The following UBAP1 variants were observed in gnomAD, a reference collection of about 807,000 sequenced individuals.
The protein encoded by UBAP1 is ubiquitin-associated protein 1.
In UBAP1, 5 loss-of-function variants were observed where a neutral mutation model predicts 39.0. The ratio of observed to expected loss-of-function variants is 0.13; its 90% CI spans 0.07 to 0.27. UBAP1 has a LOEUF of 0.27. UBAP1 is among the 10% of genes least tolerant of loss of function. The pLI is 1.00. For missense variants in UBAP1, 490 were observed against 608.1 expected (o/e 0.81, Z 2.04); for synonymous variants, 211 against 225.1 (o/e 0.94, Z 0.56).
intron 1 of UBAP1, among the ~76,000 whole-genome samples, chr9:34,213,866 A>G (rs981174272): frequency 3.3e-5 from 5 of 152,044 alleles, no homozygotes; most frequent in Admixed American, 1.3e-4. Flanking sequence ...AAGCTCTTCT[A>G]TACACCAACA....
chr9:34,215,693 A>G (rs1470362002), intron 1 of UBAP1, among the ~76,000 whole-genome samples: 2 of 152,014 alleles, frequency 1.3e-5, no homozygotes. Context: ...TAAATAATAA[A>G]AAAAGGGTTT....
intron 1 of UBAP1, among the ~76,000 whole-genome samples, chr9:34,206,618 G>A (rs1831711103): frequency 6.6e-6 from 1 of 151,998 alleles, no homozygotes; most frequent in Non-Finnish European, 1.5e-5. Context: ...CATTTTCCGA[G>A]TTTTTCATAA....
chr9:34,240,477 T>C (rs762292621), intron 3 of UBAP1, among the ~76,000 whole-genome samples: 2 of 152,226 alleles, frequency 1.3e-5, no homozygotes, highest in Non-Finnish European at 2.9e-5. Context: ...TCCTGTCCTA[T>C]GTGAATGTTG....
At chr9:34,232,797 A>G (rs1482529238) in intron 2 of UBAP1, among the ~76,000 whole-genome samples, 1 of 152,266 alleles carries the variant, frequency 6.6e-6, no homozygotes, top group Non-Finnish European at 1.5e-5. Context: ...TGTGAGGCTG[A>G]GAGGTAAACC....
chr9:34,222,527 C>T (rs1039412547), intron 2 of UBAP1, among the ~76,000 whole-genome samples: 7 of 152,128 alleles, frequency 4.6e-5, no homozygotes, highest in African/African-American at 1.4e-4. Context: ...CACGGTGGCT[C>T]ATGCCTGTAA....
At chr9:34,180,173 T>C (rs1464206854) in intron 1 of UBAP1, among the ~76,000 whole-genome samples, 1 of 152,188 alleles carries the variant, frequency 6.6e-6, no homozygotes, top group Non-Finnish European at 1.5e-5. Flanking sequence ...AGATACTTAG[T>C]CTTTAGTGAT....
chr9:34,246,840 G>A (rs184124818), intron 4 of UBAP1, among the ~76,000 whole-genome samples: 1 of 151,030 alleles, frequency 6.6e-6, no homozygotes, highest in Non-Finnish European at 1.5e-5. Flanking sequence ...TTTCACAAAC[G>A]TACTTTCCCT....
At position 34,251,515 on chromosome 9, in the gene UBAP1, C is replaced by G; in HGVS notation, c.1492C>G (p.Arg498Gly). The change falls in exon 7 of 7, where the codon CGG (arginine) becomes GGG (glycine). Residue 498 changes from arginine (R) to glycine (G), a missense_variant. Arg to Gly is a moderately radical substitution (Grantham distance 125). This residue lies in a region of UBAP1 where 339 missense variants were observed against 390.0 expected (regional missense o/e 0.87). Coordinates refer to ENST00000297661, the MANE Select transcript of UBAP1 (RefSeq NM_016525.5). ...QDNALEDLMA[R>G]AGAS ...CAATGCTTTGGAAGACCTCATGGCT[C>G]GGGCAGGAGCCAGCTGAGACCAGGC... The G allele has an allele frequency of 6.2e-7, 1 of 1,614,090 alleles. No individual in the cohort carries two copies. Among genetic ancestry groups the G allele is most frequent in the Non-Finnish European group, 8.5e-7 (1 of 1,180,016 alleles).
At chr9:34,195,039 T>C (rs1830944353) in intron 1 of UBAP1, among the ~76,000 whole-genome samples, 1 of 152,344 alleles carries the variant, frequency 6.6e-6, no homozygotes, top group Middle Eastern at 3.4e-3. Context: ...TCCCTGTGTA[T>C]TGTTTTTATC....
intron 1 of UBAP1, among the ~76,000 whole-genome samples, chr9:34,197,028 A>G (rs542901601): frequency 6.6e-6 from 1 of 151,472 alleles, no homozygotes; most frequent in Admixed American, 6.6e-5. Context: ...CCTGGGTTCA[A>G]GTGATTCTCC....
chr9:34,238,042 C>G (rs35836793), intron 3 of UBAP1, among the ~76,000 whole-genome samples: 6,247 of 152,314 alleles, frequency 0.041, 171 homozygotes, highest in Middle Eastern at 0.075. Context: ...CAGCCTCTGG[C>G]AACCAGTATC....
At chr9:34,209,552 C>T (rs1466696327) in intron 1 of UBAP1, among the ~76,000 whole-genome samples, 1 of 151,884 alleles carries the variant, frequency 6.6e-6, no homozygotes, top group African/African-American at 2.4e-5. Context: ...ATGGTTTGCA[C>T]TCTTTATTGT....
intron 2 of UBAP1, chr9:34,224,099 A>G (rs941479112): frequency 9.4e-6 from 7 of 747,340 alleles, no homozygotes; most frequent in African/African-American, 3.6e-5. Context: ...GCACGCAAGA[A>G]GCTTGCCCTG....
At chr9:34,239,323 C>G (rs1054350974) in intron 3 of UBAP1, among the ~76,000 whole-genome samples, 1 of 152,242 alleles carries the variant, frequency 6.6e-6, no homozygotes, top group South Asian at 2.1e-4. Flanking sequence ...CCAAGCCTGT[C>G]TGGCCTACAA....
intron 1 of UBAP1, among the ~76,000 whole-genome samples, chr9:34,181,411 C>T (rs1255973047): frequency 2.3e-5 from 3 of 132,008 alleles, no homozygotes; most frequent in Non-Finnish European, 3.3e-5. Flanking sequence ...CCACCGCGCC[C>T]GGCCTTTTTT....
intron 2 of UBAP1, among the ~76,000 whole-genome samples, chr9:34,232,568 C>T (rs550960731): frequency 1.4e-4 from 21 of 152,292 alleles, no homozygotes; most frequent in Non-Finnish European, 2.6e-4. Context: ...GACACCCATT[C>T]CCCCAAGGGT....
At chr9:34,208,513 C>CA (rs1255155316) in intron 1 of UBAP1, among the ~76,000 whole-genome samples, 1 of 149,728 alleles carries the variant, frequency 6.7e-6, no homozygotes, top group Non-Finnish European at 1.5e-5. Context: ...CGCGGTGGCT[C>CA]ACGCCTGTAA....
At chr9:34,202,578 C>A (rs1466044113) in intron 1 of UBAP1, among the ~76,000 whole-genome samples, 1 of 147,090 alleles carries the variant, frequency 6.8e-6, no homozygotes, top group Non-Finnish European at 1.5e-5. Context: ...ACAGAAGACT[C>A]CAGCAAGGGC....
At chr9:34,237,921 C>T (rs1282207620) in intron 3 of UBAP1, among the ~76,000 whole-genome samples, 3 of 152,172 alleles carry the variant, frequency 2.0e-5, no homozygotes, top group Admixed American at 1.3e-4. Context: ...AATATATTCA[C>T]ATAGTTGTGT....
Sources: allele counts gnomAD v4.1 joint callset (sites outside exome capture counted in the v4.1 genomes callset), GRCh38; gene constraint gnomAD v4.1.1; regional missense constraint gnomAD v4.1.1; transcripts MANE v1.5; gene names NCBI Gene and HGNC (gene_info 2026-07-23, HGNC 2026-07-21).